The following RANBP17 variants were observed in gnomAD, a reference collection of about 807,000 sequenced individuals.
RANBP17 encodes ran-binding protein 17.
Under a neutral mutation model 141.2 loss-of-function variants are expected in RANBP17, and 158 were observed. The observed-to-expected ratio is 1.12, with a 90% CI of 0.98 to 1.28. RANBP17 has a LOEUF of 1.28. Among genes scored for constraint, RANBP17 ranks in the 50% most tolerant of loss-of-function variants. The pLI, the probability that RANBP17 is intolerant of heterozygous loss-of-function variation, is 0.00. For missense variants in RANBP17, 1,438 were observed against 1,290.7 expected, an observed-to-expected ratio of 1.11 and a Z score of -1.75; for synonymous variants, 430 against 450.0, an observed-to-expected ratio of 0.96 and a Z score of 0.56.
At chr5:170,921,965 T>G (rs1004565472) in intron 11 of RANBP17, among the ~76,000 whole-genome samples, 10 of 152,176 alleles carry the variant, frequency 6.6e-5, no homozygotes, top group African/African-American at 2.4e-4. Context: ...ATCTTTATGG[T>G]TTTATCTACC....
chr5:171,076,148 C>A (rs1321271836), intron 14 of RANBP17, among the ~76,000 whole-genome samples: 1 of 152,074 alleles, frequency 6.6e-6, no homozygotes, highest in Admixed American at 6.6e-5. Flanking sequence ...TGATATGTAA[C>A]CTAAGGATGA....
At chr5:171,012,154 A>G (rs1780103484) in intron 14 of RANBP17, among the ~76,000 whole-genome samples, 1 of 151,666 alleles carries the variant, frequency 6.6e-6, no homozygotes, top group Non-Finnish European at 1.5e-5. Flanking sequence ...ATATTTGCCA[A>G]GAATACTGTG....
At chr5:170,972,434 T>C (rs1777058307) in intron 14 of RANBP17, among the ~76,000 whole-genome samples, 1 of 152,144 alleles carries the variant, frequency 6.6e-6, no homozygotes, top group South Asian at 2.1e-4. Flanking sequence ...TCCACCCACC[T>C]TAGCCTCCCT....
At chr5:171,041,593 G>A (rs184763209) in intron 14 of RANBP17, among the ~76,000 whole-genome samples, 4 of 152,142 alleles carry the variant, frequency 2.6e-5, no homozygotes, top group Non-Finnish European at 5.9e-5. Context: ...TACACACCTA[G>A]GCTGCGTGGT....
At chr5:171,189,474 G>C (rs1027337943) in intron 18 of RANBP17, among the ~76,000 whole-genome samples, 5 of 152,134 alleles carry the variant, frequency 3.3e-5, no homozygotes, top group African/African-American at 9.7e-5. Context: ...CACCAGTCAG[G>C]GTCTTTACAT....
In RANBP17 at chr5:171,298,923, G is replaced by A. The variant is rs1233386830; in HGVS notation, c.*65G>A. The A allele has an allele frequency of 7.9e-7, 1 of 1,265,460 alleles. No individual in the cohort carries two copies. Among genetic ancestry groups the A allele is most frequent in the Non-Finnish European group, 1.2e-6 (1 of 868,468 alleles). The allele number at this position is 1,265,460 out of a possible 1,614,324, so 78.4% of individuals were successfully genotyped here. On this transcript the variant is annotated 3_prime_UTR_variant, in exon 28 of 28. Transcript: ENST00000523189. ...GAGACTCCTGAAGGTCTGGGTCTCA[G>A]GACAGTGATGTTGGCTAGCCCAGGG...
chr5:170,980,112 C>T (rs1777657649), intron 14 of RANBP17, among the ~76,000 whole-genome samples: 1 of 152,028 alleles, frequency 6.6e-6, no homozygotes, highest in Non-Finnish European at 1.5e-5. Flanking sequence ...TTGACCCTAC[C>T]CTAGAGATCT....
intron 1 of RANBP17, chr5:170,863,498 C>T (rs373885218): frequency 2.6e-5 from 4 of 152,226 alleles, no homozygotes; most frequent in Admixed American, 1.3e-4. Context: ...GTAGTAAGCC[C>T]GACACATTAC....
At chr5:170,905,494 T>G (rs1771004674) in intron 5 of RANBP17, among the ~76,000 whole-genome samples, 1 of 152,126 alleles carries the variant, frequency 6.6e-6, no homozygotes, top group African/African-American at 2.4e-5. Flanking sequence ...AATCAGGAAT[T>G]AGAAAATATT....
At position 171,049,719 on chromosome 5, in the gene RANBP17, A is replaced by C. The variant is rs531296418; in HGVS notation, c.1710+81342A>C. 2.0e-5 allele frequency among the ~76,000 whole-genome samples: 3 copies of C among 152,286 alleles called. No individual in the cohort carries two copies. The South Asian group carries it at 6.2e-4, about 32-fold the overall frequency. ...TAGTGATCCCAACACCATTTATTGA[A>C]TATGAAGTTTTTTCCTCATTGCTTG... is the stretch of plus-strand genomic sequence containing the variant. On this transcript the variant is annotated intron_variant, in intron 14 of 27. Transcript: ENST00000523189.
chr5:171,055,470 G>T (rs1783280344), intron 14 of RANBP17, among the ~76,000 whole-genome samples: 1 of 151,918 alleles, frequency 6.6e-6, no homozygotes, highest in East Asian at 1.9e-4. Flanking sequence ...TCTTATACTT[G>T]GCCTGATTAT....
intron 14 of RANBP17, among the ~76,000 whole-genome samples, chr5:171,066,901 C>G (rs564671523): frequency 1.3e-5 from 2 of 152,254 alleles, no homozygotes; most frequent in African/African-American, 4.8e-5. Context: ...GTCCTTCAGA[C>G]TGAAATGAAA....
intron 16 of RANBP17, among the ~76,000 whole-genome samples, chr5:171,181,809 G>A (rs565836317): frequency 1.4e-4 from 21 of 150,754 alleles, no homozygotes; most frequent in Non-Finnish European, 2.2e-4. Flanking sequence ...AGTTGCACAC[G>A]TTGTGTGAAT....
At chr5:171,115,953 A>C (rs981988198) in intron 14 of RANBP17, among the ~76,000 whole-genome samples, 9 of 152,180 alleles carry the variant, frequency 5.9e-5, no homozygotes, top group Non-Finnish European at 1.2e-4. Flanking sequence ...AGCCATTTAG[A>C]TTATGTGGAG....
At chr5:170,908,264 A>G (rs1771230941) in intron 5 of RANBP17, among the ~76,000 whole-genome samples, 1 of 152,030 alleles carries the variant, frequency 6.6e-6, no homozygotes, top group Non-Finnish European at 1.5e-5. Flanking sequence ...ACGTGGAATC[A>G]GCCTTGGTAC....
intron 14 of RANBP17, among the ~76,000 whole-genome samples, chr5:171,054,259 A>G (rs1045151724): frequency 6.6e-6 from 1 of 152,102 alleles, no homozygotes; most frequent in African/African-American, 2.4e-5. Flanking sequence ...AAGAAAGTAA[A>G]GGAATAAAGA....
intron 14 of RANBP17, among the ~76,000 whole-genome samples, chr5:171,107,594 T>C (rs1754943117): frequency 1.3e-5 from 2 of 152,170 alleles, no homozygotes; most frequent in Non-Finnish European, 2.9e-5. Context: ...TACATGCAAA[T>C]TAAAGATTTT....
intron 10 of RANBP17, 112 bp from the exon 11 acceptor site, chr5:170,919,329 T>TA (rs1478900124): frequency 5.2e-6 from 4 of 774,334 alleles, no homozygotes; most frequent in South Asian, 2.6e-5. Flanking sequence ...TCATTAGTTT[T>TA]ATAGTAAGAA....
At chr5:171,031,923 C>T (rs1253488459) in intron 14 of RANBP17, among the ~76,000 whole-genome samples, 10 of 151,010 alleles carry the variant, frequency 6.6e-5, no homozygotes, top group Non-Finnish European at 1.0e-4. Context: ...AGAAAGGTGG[C>T]GTCCACTTTA....
Sources: allele counts gnomAD v4.1 joint callset (sites outside exome capture counted in the v4.1 genomes callset), GRCh38; gene constraint gnomAD v4.1.1; transcripts MANE v1.5; gene names NCBI Gene and HGNC (gene_info 2026-07-23, HGNC 2026-07-21).